Variants in SUMF1 observed in about 807,000 individuals in gnomAD.
SUMF1 encodes the protein sulfatase modifying factor 1, also known as formylglycine-generating enzyme.
Under a neutral mutation model 47.6 loss-of-function variants are expected in SUMF1, and 48 were observed. The observed-to-expected ratio is 1.01, with a 90% confidence interval of 0.80 to 1.28. The LOEUF is 1.28. SUMF1 is among the 50% of genes most tolerant of loss of function. SUMF1 has a pLI of 0.00. For synonymous variants in SUMF1, 230 were observed against 192.1 expected, an observed-to-expected ratio of 1.20 and a Z score of -1.63; for missense variants, 571 against 485.4, an observed-to-expected ratio of 1.18 and a Z score of -1.66.
intron 7 of SUMF1, among the ~76,000 whole-genome samples, chr3:4,387,344 G>A (rs1559264907): frequency 6.6e-6 from 1 of 151,992 alleles, no homozygotes; most frequent in East Asian, 1.9e-4. Flanking sequence ...TTTTGAGGAA[G>A]TGTTGTTTCT....
At chr3:4,173,607 T>C (rs533270843) in intron 8 of SUMF1, among the ~76,000 whole-genome samples, 3 of 152,220 alleles carry the variant, frequency 2.0e-5, no homozygotes, top group African/African-American at 7.2e-5. Flanking sequence ...CTATTCACAA[T>C]AGTAAAGATT....
chr3:4,208,101 C>T (rs1040537053), intron 8 of SUMF1, among the ~76,000 whole-genome samples: 3 of 152,046 alleles, frequency 2.0e-5, no homozygotes, highest in Middle Eastern at 3.2e-3. Context: ...ATAAGGAATA[C>T]CCTCAAGAGA....
chr3:4,221,400 G>A (rs1436474766), intron 8 of SUMF1, among the ~76,000 whole-genome samples: 3 of 142,628 alleles, frequency 2.1e-5, no homozygotes, highest in East Asian at 2.1e-4. Flanking sequence ...AATGCTTTGG[G>A]TTTGGTTTTT....
At chr3:4,057,225 A>C (rs898117189) in intron 9 of SUMF1, among the ~76,000 whole-genome samples, 3 of 152,154 alleles carry the variant, frequency 2.0e-5, no homozygotes, top group Non-Finnish European at 2.9e-5. Context: ...TGTCACTGAG[A>C]GGGAGTATGC....
At chr3:4,225,858 G>A (rs962867655) in intron 8 of SUMF1, among the ~76,000 whole-genome samples, 3 of 152,114 alleles carry the variant, frequency 2.0e-5, no homozygotes, top group Non-Finnish European at 2.9e-5. Flanking sequence ...AATAACCCCA[G>A]TCAGACATGA....
At chr3:4,210,691 T>C (rs1428024581) in intron 8 of SUMF1, among the ~76,000 whole-genome samples, 1 of 152,150 alleles carries the variant, frequency 6.6e-6, no homozygotes, top group Non-Finnish European at 1.5e-5. Context: ...GGGCATTTAT[T>C]ATACAGATTA....
chr3:4,163,785 G>C (rs1008060339), intron 8 of SUMF1, among the ~76,000 whole-genome samples: 20 of 152,040 alleles, frequency 1.3e-4, no homozygotes, highest in Admixed American at 1.1e-3. Flanking sequence ...TGTATTGTTA[G>C]GTTTGAACCT....
chr3:4,386,066 G>T (rs992320455), intron 7 of SUMF1, among the ~76,000 whole-genome samples: 3 of 152,086 alleles, frequency 2.0e-5, no homozygotes, highest in African/African-American at 7.2e-5. Flanking sequence ...GGGTAGATTG[G>T]TTCCTCTCAC....
chr3:4,088,508 C>T lies in SUMF1; in HGVS notation c.1015-19763G>A, dbSNP rs560666608. Among the ~76,000 whole-genome samples the T allele has an allele frequency of 7.9e-5, 12 of 152,216 alleles. No homozygotes were observed. In the East Asian group the frequency reaches 9.6e-4, roughly 12 times the overall value. The stretch of plus-strand genomic sequence containing the variant: ...ACCACAAACACCACTAATATCACCA[C>T]GTCTCTACTTCTTCCCTCTCCTCCC... On this transcript the variant is annotated intron_variant and NMD_transcript_variant, in intron 8 of 12. Coordinates refer to the SUMF1 transcript ENST00000448413.
chr3:4,227,226 T>C (rs1380316739), intron 8 of SUMF1, among the ~76,000 whole-genome samples: 1 of 152,110 alleles, frequency 6.6e-6, no homozygotes, highest in Non-Finnish European at 1.5e-5. Flanking sequence ...TCCTTGACCA[T>C]TCAAGTCATT....
intron 9 of SUMF1, among the ~76,000 whole-genome samples, chr3:4,043,438 C>G (rs1430102052): frequency 1.3e-5 from 2 of 152,080 alleles, no homozygotes; most frequent in Admixed American, 6.5e-5. Context: ...ACTATTTGTT[C>G]ACAGGCTGCC....
At chr3:4,193,886 A>G (rs977383006) in intron 8 of SUMF1, among the ~76,000 whole-genome samples, 1 of 152,176 alleles carries the variant, frequency 6.6e-6, no homozygotes, top group Non-Finnish European at 1.5e-5. Context: ...GCCAATTCAT[A>G]AAAAGTACGT....
At chr3:4,087,799 C>T (rs1461203727) in intron 8 of SUMF1, among the ~76,000 whole-genome samples, 4 of 151,904 alleles carry the variant, frequency 2.6e-5, no homozygotes, top group Non-Finnish European at 5.9e-5. Flanking sequence ...TAGAAGGTCA[C>T]CATATTTAGT....
At chr3:4,400,812 A>G (rs1351043692) in intron 7 of SUMF1, among the ~76,000 whole-genome samples, 1 of 152,152 alleles carries the variant, frequency 6.6e-6, no homozygotes, top group Non-Finnish European at 1.5e-5. Context: ...GATGGAAATC[A>G]TTTTATTTTA....
chr3:4,091,323 G>A (rs556688274), intron 8 of SUMF1, among the ~76,000 whole-genome samples: 2 of 152,164 alleles, frequency 1.3e-5, no homozygotes, highest in South Asian at 4.2e-4. Flanking sequence ...TTGTAACAGG[G>A]AATCTGACGC....
At chr3:4,299,087 T>G (rs942848795) in intron 8 of SUMF1, among the ~76,000 whole-genome samples, 1 of 152,264 alleles carries the variant, frequency 6.6e-6, no homozygotes, top group Admixed American at 6.5e-5. Flanking sequence ...ATCATATACA[T>G]GACTATCTCT....
intron 8 of SUMF1, among the ~76,000 whole-genome samples, chr3:4,209,522 T>C (rs1194257649): frequency 1.3e-5 from 2 of 152,120 alleles, no homozygotes; most frequent in East Asian, 3.9e-4. Flanking sequence ...AATTAAACTT[T>C]ATCACAAATG....
chr3:4,146,816 T>C (rs1694204522), intron 8 of SUMF1, among the ~76,000 whole-genome samples: 1 of 152,008 alleles, frequency 6.6e-6, no homozygotes, highest in South Asian at 2.1e-4. Context: ...AATAGTTTGC[T>C]GAGAATGATG....
chr3:4,343,395 G>C (rs538792713), intron 8 of SUMF1, among the ~76,000 whole-genome samples: 37 of 152,330 alleles, frequency 2.4e-4, no homozygotes, highest in Non-Finnish European at 1.9e-4. Flanking sequence ...TGGGCAGAGA[G>C]GGGAGTGCAA....
Sources: allele counts gnomAD v4.1 joint callset (sites outside exome capture counted in the v4.1 genomes callset), GRCh38; gene constraint gnomAD v4.1.1; transcripts MANE v1.5; gene names NCBI Gene and HGNC (gene_info 2026-07-23, HGNC 2026-07-21).